Variants in ABCA4 observed in about 807,000 individuals in gnomAD.
ABCA4 encodes the protein retinal-specific phospholipid-transporting ATPase ABCA4.
ABCA4 carries 196 observed loss-of-function variants against 263.7 expected under a neutral mutation model. The ratio of observed to expected loss-of-function variants is 0.74; its 90% confidence interval spans 0.66 to 0.84. The LOEUF (loss-of-function observed/expected upper bound fraction) is 0.84, where lower values mean the gene tolerates loss of function less well. ABCA4 is among the 40% of genes least tolerant of loss of function. The probability of loss-of-function intolerance (pLI) is 0.00; values close to 1 mark genes in which losing one functional copy is unlikely to be tolerated. For missense variants in ABCA4, 2,792 were observed against 2,855.1 expected (o/e 0.98, Z 0.50); for synonymous variants, 1,133 against 1,094.2 (o/e 1.04, Z -0.70).
intron 31 of ABCA4, among the ~76,000 whole-genome samples, chr1:94,023,952 A>G (rs1005341618): frequency 1.3e-5 from 2 of 152,346 alleles, no homozygotes; most frequent in African/African-American, 4.8e-5. Flanking sequence ...TGTCATTGTC[A>G]TCCACCTTTA....
intron 15 of ABCA4, 59 bp downstream of exon 15, chr1:94,056,542 T>G: frequency 6.4e-7 from 1 of 1,558,432 alleles, no homozygotes; most frequent in Non-Finnish European, 8.8e-7. Context: ...CCTCCAGGAC[T>G]GCTACGGACC....
In ABCA4 at chr1:94,103,105, T is replaced by A. The variant is rs1475168753; in HGVS notation, c.480A>T (p.Glu160Asp). The A allele has an allele frequency of 6.2e-7, 1 of 1,614,162 alleles. No individual in the cohort carries two copies. Among genetic ancestry groups the A allele is most frequent in the Non-Finnish European group, 8.5e-7 (1 of 1,179,998 alleles). ...TAATGAGAAATAGTGTCAGTGTTTC[T>A]TCATCTTTCAAGATATCCCTTATTC... ...GIRIRDILKD[E>D]ETLTLFLIKN... The change falls in exon 5 of 50, where the codon GAA (glutamate) becomes GAT (aspartate). Residue 160 changes from glutamate to aspartate, a missense_variant. Transcript: ENST00000370225.
intron 41 of ABCA4, 45 bp downstream of exon 41, chr1:94,008,706 C>A (rs781573144): frequency 6.2e-7 from 1 of 1,613,334 alleles, no homozygotes; most frequent in Non-Finnish European, 8.5e-7. Context: ...ATCATGCCAA[C>A]TGTGGATCTA....
At chr1:94,115,302 G>T (rs990530045) in intron 1 of ABCA4, among the ~76,000 whole-genome samples, 1 of 152,178 alleles carries the variant, frequency 6.6e-6, no homozygotes, top group Non-Finnish European at 1.5e-5. Flanking sequence ...CTATCACGTA[G>T]ATCGGCTGTC....
chr1:94,072,086 C>A (rs12759306), intron 11 of ABCA4, among the ~76,000 whole-genome samples: 33,256 of 152,084 alleles, frequency 0.22, 4,167 homozygotes, highest in African/African-American at 0.33. Flanking sequence ...ACATTCCCTG[C>A]GTACATTCTG....
chr1:94,101,321 C>T (rs1439354985), intron 5 of ABCA4, among the ~76,000 whole-genome samples: 3 of 152,028 alleles, frequency 2.0e-5, no homozygotes, highest in Non-Finnish European at 4.4e-5. Context: ...CAATCGGTGC[C>T]GACAGCACCC....
chr1:94,034,480 G>C (rs979861428), intron 26 of ABCA4, among the ~76,000 whole-genome samples: 3 of 152,016 alleles, frequency 2.0e-5, no homozygotes, highest in Non-Finnish European at 4.4e-5. Flanking sequence ...GTGGCAGTCA[G>C]CCACAGACCC....
intron 10 of ABCA4, among the ~76,000 whole-genome samples, chr1:94,078,142 A>T (rs922239635): frequency 3.3e-5 from 5 of 152,176 alleles, no homozygotes; most frequent in Admixed American, 2.6e-4. Flanking sequence ...TATGGTGTAT[A>T]AAAAGCTTTC....
chr1:94,071,063 AATTGACAGTGCTTAGAGGATTTATG>A, intron 11 of ABCA4, among the ~76,000 whole-genome samples: 1 of 152,290 alleles, frequency 6.6e-6, no homozygotes, highest in East Asian at 1.9e-4. Flanking sequence ...TTGGAGGAAG[AATTGACAGTGCTTAGAGGATTTATG>A]ATGTTTTGAA....
At chr1:94,027,147 T>C (rs145104256) in intron 30 of ABCA4, among the ~76,000 whole-genome samples, 1 of 152,188 alleles carries the variant, frequency 6.6e-6, no homozygotes, top group Non-Finnish European at 1.5e-5. Context: ...TTTGCTCCAA[T>C]GGAAGGCACG....
Position 94,060,729 on chromosome 1 carries a change from A to G in ABCA4, c.1968T>C (p.Pro656=), listed in dbSNP as rs377043598. The change falls in exon 14 of 50, where the codon CCT becomes CCC. Residue 656 remains proline, a synonymous_variant. Coordinates refer to ENST00000370225, the MANE Select transcript of ABCA4 (RefSeq NM_000350.3). ...AGATCCATGCCAGCACCATGAAGAT[A>G]GGGAAACAGCGGTTCAGGATGATCA... is the stretch of plus-strand genomic sequence containing the variant. ...SFMIILNRCF[P]IFMVLAWIYS... is the part of the protein sequence containing the mutation. 1.9e-6 allele frequency: 3 copies of G among 1,613,798 alleles called. No homozygotes were observed. Among genetic ancestry groups the G allele is most frequent in the Non-Finnish European group, 2.5e-6 (3 of 1,179,852 alleles).
chr1:94,042,642 T>C, intron 22 of ABCA4, 119 bp downstream of exon 22: 1 of 1,395,764 alleles, frequency 7.2e-7, no homozygotes, highest in Non-Finnish European at 1.0e-6. Context: ...ATAAACCCCC[T>C]TCTGAGTGTA....
intron 7 of ABCA4, 123 bp downstream of exon 7, chr1:94,083,229 A>C: frequency 1.1e-6 from 1 of 925,034 alleles, no homozygotes; most frequent in Admixed American, 1.7e-5. Flanking sequence ...AAATTGCTAG[A>C]TGGAAAGATC....
intron 24 of ABCA4, among the ~76,000 whole-genome samples, chr1:94,039,280 T>C (rs974299955): frequency 1.3e-5 from 2 of 152,226 alleles, no homozygotes; most frequent in African/African-American, 4.8e-5. Context: ...AACGCAAATA[T>C]TGCCCGGTTC....
intron 26 of ABCA4, among the ~76,000 whole-genome samples, chr1:94,034,079 G>A (rs1660277975): frequency 6.6e-6 from 1 of 152,168 alleles, no homozygotes; most frequent in South Asian, 2.1e-4. Context: ...CTGACTATGA[G>A]TCACCCCTTC....
rs148843140 is a variant in ABCA4 at position 94,118,039 on chromosome 1, C to T, written c.66+2941G>A. ...AGACTATTGGATAGATCTCGATCCA[C>T]GGGGGTCAGTGTGGTGTAACGGCCA... is the stretch of plus-strand genomic sequence containing the variant. On this transcript the variant is annotated intron_variant, in intron 1 of 49. Coordinates refer to ENST00000370225, the MANE Select transcript of ABCA4 (RefSeq NM_000350.3). 1.1e-4 allele frequency among the ~76,000 whole-genome samples: 16 copies of T among 152,236 alleles called. No homozygotes were observed. The South Asian group carries it at 1.2e-3, about 12-fold the overall frequency.
intron 8 of ABCA4, among the ~76,000 whole-genome samples, chr1:94,079,689 T>C (rs967160665): frequency 1.3e-5 from 2 of 152,190 alleles, no homozygotes; most frequent in Admixed American, 6.5e-5. Context: ...GGATGCGACT[T>C]GCCCTGTGGT....
chr1:94,001,724 G>T, intron 45 of ABCA4, 134 bp downstream of exon 45: 1 of 1,315,884 alleles, frequency 7.6e-7, no homozygotes. Context: ...CTCAAAATGA[G>T]CAACACAGGA....
chr1:94,007,512 T>C, intron 43 of ABCA4, 122 bp downstream of exon 43: 1 of 903,300 alleles, frequency 1.1e-6, no homozygotes, highest in Non-Finnish European at 1.8e-6. Flanking sequence ...GAGGCCTCCT[T>C]CTCTGTACAG....
Sources: gnomAD v4.1 joint callset for allele counts (sites outside exome capture counted in the v4.1 genomes callset) on GRCh38, gnomAD v4.1.1 for gene constraint, MANE v1.5 for transcripts, NCBI Gene and HGNC (gene_info 2026-07-23, HGNC 2026-07-21) for gene names.